Variants in KLRC1 observed in about 807,000 individuals in gnomAD.
The protein encoded by KLRC1 is NKG2-A/NKG2-B type II integral membrane protein.
KLRC1 carries 22 observed loss-of-function variants against 25.9 expected under a neutral mutation model. The observed-to-expected ratio is 0.85, with a 90% CI of 0.61 to 1.21. The LOEUF (loss-of-function observed/expected upper bound fraction) is 1.21, where lower values mean the gene tolerates loss of function less well. Ranked by LOEUF, KLRC1 falls within the 50% of genes most tolerant of loss-of-function variation. KLRC1 has a pLI of 0.00. For missense variants in KLRC1, 240 were observed against 272.2 expected (o/e 0.88, Z 0.83); for synonymous variants, 77 against 93.1 (o/e 0.83, Z 0.99).
At position 10,447,634 on chromosome 12, in the gene KLRC1, TAAAAG is replaced by T. The variant is rs747258644; in HGVS notation, c.490-7_490-3del. Reference sequence around the variant, plus strand: ...TGGTGAAATGATGGACAGAAATTTCTAAAAGAAAAGAAAGAATTTTCACTTAAATA... The same window carrying T: ...TGGTGAAATGATGGACAGAAATTTCTAAAAGAAAGAATTTTCACTTAAATA... On this transcript the variant is annotated splice_region_variant and splice_polypyrimidine_tract_variant and intron_variant, in intron 5 of 6. Coordinates refer to ENST00000359151, the MANE Select transcript of KLRC1 (RefSeq NM_002259.5). 3 of 1,591,252 alleles carry T rather than the reference TAAAAG, an allele frequency of 1.9e-6. No individual in the cohort carries two copies. In the African/African-American group the frequency reaches 4.1e-5, roughly 21 times the overall value.
chr12:10,448,306 A>G (rs1040389193), intron 5 of KLRC1, among the ~76,000 whole-genome samples: 1 of 152,168 alleles, frequency 6.6e-6, no homozygotes, highest in African/African-American at 2.4e-5. Context: ...CGACAGAAGA[A>G]GGTGACCTAG....
At chr12:10,448,795 G>T (rs187397481) in intron 5 of KLRC1, among the ~76,000 whole-genome samples, 1 of 152,198 alleles carries the variant, frequency 6.6e-6, no homozygotes, top group African/African-American at 2.4e-5. Flanking sequence ...GCAGGTAAAC[G>T]TTATTTATAA....
rs753588687 is a variant in KLRC1 at position 10,450,979 on chromosome 12, G to A, written c.178C>T (p.His60Tyr). Residue 60 changes from histidine to tyrosine, a missense_variant, in exon 2 of 7, where the codon CAC (histidine) becomes TAC (tyrosine). Physicochemically the swap from His to Tyr is moderately conservative, Grantham distance 83. Transcript: ENST00000359151. ...QDFQGNDKTY[H>Y]CKDLPSAPEK... Reference sequence around the variant, plus strand: ...CTTTTAAATGCTTTACCTTTGCAGTGATAGGTTTTGTCATTCCCTTGAAAA... The same window carrying A: ...CTTTTAAATGCTTTACCTTTGCAGTAATAGGTTTTGTCATTCCCTTGAAAA... 5.9e-5 allele frequency: 95 copies of A among 1,609,222 alleles called. 2 individuals are homozygous for A. The South Asian group carries it at 9.7e-4, about 17-fold the overall frequency.
In KLRC1 at chr12:10,446,492, T is replaced by C; in HGVS notation, c.*59A>G. Reference sequence around the variant, plus strand: ...TTAAGATTTATGCAATCATAATATATTTCTATTTTAAGAAATATACAATTT... The same window carrying C: ...TTAAGATTTATGCAATCATAATATACTTCTATTTTAAGAAATATACAATTT... On this transcript the variant is annotated 3_prime_UTR_variant, in exon 7 of 7. Coordinates refer to ENST00000359151, the MANE Select transcript of KLRC1 (RefSeq NM_002259.5). The C allele has an allele frequency of 6.5e-7, 1 of 1,527,092 alleles. No homozygotes were observed. The highest frequency in any genetic ancestry group is 8.9e-7 in the Non-Finnish European group (1 of 1,129,802). The allele number at this position is 1,527,092 out of a possible 1,614,324, so 94.6% of individuals were successfully genotyped here.
chr12:10,444,145 T>C (rs1294928471), downstream of KLRC1, among the ~76,000 whole-genome samples: 2 of 139,538 alleles, frequency 1.4e-5, no homozygotes, highest in African/African-American at 5.6e-5. Context: ...GTACATATAT[T>C]ACAAAAGATG....
At chr12:10,443,927 A>G (rs1485141989), downstream of KLRC1, among the ~76,000 whole-genome samples, 3 of 137,952 alleles carry the variant, frequency 2.2e-5, no homozygotes, top group Admixed American at 2.1e-4. Flanking sequence ...GAATATTTCC[A>G]GCTTCATAGA....
chr12:10,450,528 C>G lies in KLRC1; in HGVS notation c.239G>C (p.Cys80Ser). 6.2e-7 allele frequency: 1 copy of G among 1,611,602 alleles called. No homozygotes were observed. Among genetic ancestry groups the G allele is most frequent in the Non-Finnish European group, 8.5e-7 (1 of 1,177,908 alleles). The stretch of plus-strand genomic sequence containing the variant: ...TACCACAGAGGCCATTAAGATAAGA[C>G]AGATAATTCCCAGGATCCCAACAAT... Reference protein sequence around the residue: ...KLIVGILGIICLILMASVVTI... With the variant: ...KLIVGILGIISLILMASVVTI... Residue 80 changes from cysteine (C) to serine (S), a missense_variant, in exon 3 of 7, where the codon TGT becomes TCT. By Grantham distance (112) the Cys-to-Ser change is moderately radical. Coordinates refer to ENST00000359151, the MANE Select transcript of KLRC1 (RefSeq NM_002259.5).
downstream of KLRC1, among the ~76,000 whole-genome samples, chr12:10,443,680 T>C (rs1330352269): frequency 7.1e-6 from 1 of 141,464 alleles, no homozygotes; most frequent in African/African-American, 2.7e-5. Context: ...CTCACACACG[T>C]AGAATACTCA....
intron 6 of KLRC1, chr12:10,447,212 T>C (rs1565511278): frequency 1.0e-5 from 2 of 195,736 alleles, no homozygotes; most frequent in Non-Finnish European, 1.0e-5. Context: ...CATTCTGTGA[T>C]TTTTTTTTTC....
At chr12:10,445,411 T>C (rs1863965593), downstream of KLRC1, among the ~76,000 whole-genome samples, 1 of 152,152 alleles carries the variant, frequency 6.6e-6, no homozygotes, top group Non-Finnish European at 1.5e-5. Context: ...AGGAATATTA[T>C]AAAACTGCTT....
intron 2 of KLRC1, 53 bp from the exon 3 acceptor site, chr12:10,450,632 T>G: frequency 1.7e-6 from 2 of 1,161,040 alleles, no homozygotes; most frequent in Non-Finnish European, 2.6e-6. Flanking sequence ...TACAGTCGTT[T>G]AGAAGATTCA....
At position 10,449,394 on chromosome 12, in the gene KLRC1, T is replaced by C. The variant is rs1355887518; in HGVS notation, c.338-6A>G. On this transcript the variant is annotated splice_polypyrimidine_tract_variant and splice_region_variant and intron_variant, in intron 4 of 6. Transcript: ENST00000359151. ...ACAATGGCCACAATGACGTGCTAAA[T>C]AAAGATATGAATTACTATCTAGACC... 1.2e-6 allele frequency: 2 copies of C among 1,611,570 alleles called. No individual in the cohort carries two copies.
At chr12:10,445,138 T>C (rs1403429526), downstream of KLRC1, among the ~76,000 whole-genome samples, 1 of 151,920 alleles carries the variant, frequency 6.6e-6, no homozygotes, top group Non-Finnish European at 1.5e-5. Context: ...TAGGATGGTC[T>C]CAATCTCTTG....
In KLRC1 at chr12:10,447,608, A is replaced by G; in HGVS notation, c.514T>C (p.Ser172Pro). Reference sequence around the variant, plus strand: ...TTACGAAACACACCAATCCATGAGGATGGTGAAATGATGGACAGAAATTTC... The same window carrying G: ...TTACGAAACACACCAATCCATGAGGGTGGTGAAATGATGGACAGAAATTTC... ...EMKFLSIISP[S>P]SWIGVFRNSS... Residue 172 changes from serine to proline, a missense_variant, in exon 6 of 7, where the codon TCC becomes CCC. Transcript: ENST00000359151. 6.2e-7 allele frequency: 1 copy of G among 1,605,896 alleles called. No homozygotes were observed. Among genetic ancestry groups the G allele is most frequent in the Non-Finnish European group, 8.5e-7 (1 of 1,175,960 alleles).
intron 5 of KLRC1, 79 bp from the exon 6 acceptor site, chr12:10,447,711 A>G: frequency 7.9e-7 from 1 of 1,258,466 alleles, no homozygotes; most frequent in Non-Finnish European, 1.1e-6. Context: ...TTTGAAAACC[A>G]CTATTTGCAG....
chr12:10,446,888 C>A (rs1863997418), intron 6 of KLRC1, among the ~76,000 whole-genome samples: 1 of 152,130 alleles, frequency 6.6e-6, no homozygotes, highest in Non-Finnish European at 1.5e-5. Flanking sequence ...GCAGATAGTG[C>A]AGAACCTATA....
In KLRC1 at chr12:10,450,550, C is replaced by A; in HGVS notation, c.217G>T (p.Val73Phe). 2 of 1,611,234 alleles carry A rather than the reference C, an allele frequency of 1.2e-6. No individual in the cohort carries two copies. The highest frequency in any genetic ancestry group is 1.7e-6 in the Non-Finnish European group (2 of 1,177,552). The part of the protein sequence containing the change: ...DLPSAPEKLI[V>F]GILGIICLIL... ...AGACAGATAATTCCCAGGATCCCAA[C>A]AATGAGCTTCTCTGGAGCTGATGGT... Residue 73 changes from valine (V) to phenylalanine (F), a missense_variant, in exon 3 of 7, where the codon GTT (valine) becomes TTT (phenylalanine). Val to Phe is a conservative substitution (Grantham distance 50). Coordinates refer to ENST00000359151, the MANE Select transcript of KLRC1 (RefSeq NM_002259.5).
intron 6 of KLRC1, 104 bp downstream of exon 6, chr12:10,447,428 A>G: frequency 9.8e-7 from 1 of 1,024,432 alleles, no homozygotes; most frequent in Non-Finnish European, 1.4e-6. Context: ...AACTTTCCAC[A>G]TCTTTCTTCA....
downstream of KLRC1, among the ~76,000 whole-genome samples, chr12:10,445,691 G>T (rs1389457376): frequency 6.6e-6 from 1 of 152,050 alleles, no homozygotes; most frequent in Non-Finnish European, 1.5e-5. Flanking sequence ...TAAATCAATA[G>T]TTGACATAAT....
Sources: allele counts gnomAD v4.1 joint callset (sites outside exome capture counted in the v4.1 genomes callset), GRCh38; gene constraint gnomAD v4.1.1; transcripts MANE v1.5; gene names NCBI Gene and HGNC (gene_info 2026-07-23, HGNC 2026-07-21).